Variants in TMPRSS11A observed in about 807,000 individuals in gnomAD.
TMPRSS11A encodes transmembrane protease serine 11A.
TMPRSS11A carries 53 observed loss-of-function variants against 58.9 expected under a neutral mutation model. That is an observed-to-expected ratio of 0.90 (90% CI 0.72 to 1.13). The LOEUF (loss-of-function observed/expected upper bound fraction) is 1.13, where lower values mean the gene tolerates loss of function less well. TMPRSS11A is among the 50% of genes most tolerant of loss of function. The pLI is 0.00. For missense variants in TMPRSS11A, 493 were observed against 499.3 expected, an observed-to-expected ratio of 0.99 and a Z score of 0.12; for synonymous variants, 167 against 169.8, an observed-to-expected ratio of 0.98 and a Z score of 0.13.
intron 1 of TMPRSS11A, among the ~76,000 whole-genome samples, chr4:67,957,731 G>T (rs1442736499): frequency 6.6e-6 from 1 of 152,144 alleles, no homozygotes; most frequent in Non-Finnish European, 1.5e-5. Flanking sequence ...AAGTAATGAG[G>T]AGCTGAATGT....
rs538701525 is a variant in TMPRSS11A at position 67,943,050 on chromosome 4, G to A, written c.252+1469C>T. Among the ~76,000 whole-genome samples the A allele has an allele frequency of 1.8e-4, 27 of 152,224 alleles. No homozygotes were observed. The South Asian group carries it at 4.8e-3, about 27-fold the overall frequency. ...GATTTCCTGCAAGGGGGGAGGGTAA[G>A]GGCTTATGCTATGGTGATAAAGGAG... is the stretch of plus-strand genomic sequence containing the variant. On this transcript the variant is annotated intron_variant, in intron 3 of 9. Coordinates refer to ENST00000508048, the MANE Select transcript of TMPRSS11A (RefSeq NM_001114387.2).
At chr4:67,929,673 A>G (rs1393462110) in intron 5 of TMPRSS11A, among the ~76,000 whole-genome samples, 2 of 152,380 alleles carry the variant, frequency 1.3e-5, no homozygotes, top group East Asian at 3.9e-4. Flanking sequence ...CCAATCAATT[A>G]CTGTCGGGAA....
At chr4:67,911,630 A>G in intron 9 of TMPRSS11A, 127 bp from the exon 10 acceptor site, 1 of 552,640 alleles carries the variant, frequency 1.8e-6, no homozygotes. Context: ...AACACAGAAT[A>G]ATTAATTGAG....
At chr4:67,920,549 A>ATATATATATATATATTTT (rs371252656) in intron 7 of TMPRSS11A, among the ~76,000 whole-genome samples, 5 of 130,894 alleles carry the variant, frequency 3.8e-5, no homozygotes, top group South Asian at 2.4e-4. Context: ...ATATATATAT[A>ATATATATATATATATTTT]TTTTTTTTTA....
At chr4:67,948,904 T>C (rs1721090735) in intron 1 of TMPRSS11A, among the ~76,000 whole-genome samples, 1 of 149,432 alleles carries the variant, frequency 6.7e-6, no homozygotes, top group Non-Finnish European at 1.5e-5. Context: ...CAAACTCAGG[T>C]CTTCTTACTT....
Position 67,909,508 on chromosome 4 carries a change from A to G in TMPRSS11A, c.*1834T>C, listed in dbSNP as rs915192803. The G allele has an allele frequency of 6.6e-6, 1 of 152,184 alleles. No individual in the cohort carries two copies. Among genetic ancestry groups the G allele is most frequent in the Non-Finnish European group, 1.5e-5 (1 of 68,004 alleles). The allele number at this position is 152,184 out of a possible 1,614,324, so 9.4% of individuals were successfully genotyped here. A position where few individuals can be genotyped will look rare whatever the true frequency, so the allele number is the denominator to read the frequency against. The stretch of plus-strand genomic sequence containing the variant: ...TTAAAAATACAAAGTTCATAATTCT[A>G]AGATCATTTCCTGAATCTGAACATC... On this transcript the variant is annotated 3_prime_UTR_variant, in exon 10 of 10. Transcript: ENST00000508048.
chr4:67,946,890 T>G (rs1721029653), intron 1 of TMPRSS11A, among the ~76,000 whole-genome samples: 1 of 152,202 alleles, frequency 6.6e-6, no homozygotes. Context: ...TCTCCAGCAC[T>G]TTGTTATCTC....
At chr4:67,939,720 GCT>G (rs1275794531) in intron 3 of TMPRSS11A, among the ~76,000 whole-genome samples, 1 of 151,880 alleles carries the variant, frequency 6.6e-6, no homozygotes, top group Non-Finnish European at 1.5e-5. Context: ...ATGGATTTTT[GCT>G]CTGTCACCCA....
intron 3 of TMPRSS11A, among the ~76,000 whole-genome samples, chr4:67,933,437 G>A (rs570527129): frequency 3.9e-5 from 6 of 152,110 alleles, no homozygotes; most frequent in South Asian, 2.1e-4. Flanking sequence ...ATTTTACTTC[G>A]GTTTCTTTTG....
chr4:67,919,988 C>T (rs930533066), intron 7 of TMPRSS11A, among the ~76,000 whole-genome samples: 2 of 152,124 alleles, frequency 1.3e-5, no homozygotes, highest in East Asian at 3.8e-4. Flanking sequence ...ATAATGTAGT[C>T]TCATTTACAT....
chr4:67,941,111 T>C (rs1381353192), intron 3 of TMPRSS11A, among the ~76,000 whole-genome samples: 4 of 152,200 alleles, frequency 2.6e-5, no homozygotes, highest in Admixed American at 1.3e-4. Flanking sequence ...ATTATAGCAA[T>C]ATCTAAATAT....
At chr4:67,933,736 T>C (rs1720686751) in intron 3 of TMPRSS11A, among the ~76,000 whole-genome samples, 1 of 152,182 alleles carries the variant, frequency 6.6e-6, no homozygotes, top group Non-Finnish European at 1.5e-5. Flanking sequence ...CCAGCTCTAC[T>C]ACTCAGTATG....
chr4:67,962,172 T>G (rs192040136), intron 1 of TMPRSS11A, among the ~76,000 whole-genome samples: 110 of 152,318 alleles, frequency 7.2e-4, no homozygotes, highest in African/African-American at 2.6e-3. Context: ...CCCATTCATT[T>G]GTTCAACAAA....
At chr4:67,925,551 GA>G (rs1408097449) in intron 5 of TMPRSS11A, among the ~76,000 whole-genome samples, 1 of 152,140 alleles carries the variant, frequency 6.6e-6, no homozygotes, top group Non-Finnish European at 1.5e-5. Context: ...GGGAGCTTTT[GA>G]AAATATTCAA....
chr4:67,954,480 C>G lies in TMPRSS11A; in HGVS notation c.12-7909G>C, dbSNP rs151114587. The stretch of plus-strand genomic sequence containing the variant: ...TTTCAGTTCTTATCCCTTCTAGATC[C>G]CCCTGCCCTCACTCAGTTAAAGGTC... On this transcript the variant is annotated intron_variant, in intron 1 of 9. Coordinates refer to ENST00000508048, the MANE Select transcript of TMPRSS11A (RefSeq NM_001114387.2). Among the ~76,000 whole-genome samples the G allele has an allele frequency of 1.1e-4, 17 of 152,300 alleles. No individual in the cohort carries two copies. In the East Asian group the frequency reaches 3.1e-3, roughly 28 times the overall value.
At position 67,944,650 on chromosome 4, in the gene TMPRSS11A, T is replaced by C. The variant is rs1410988119; in HGVS notation, c.134-13A>G. ...TCCTTTTTTTGGTCTGCAATGGAAA[T>C]GAAAAATAGGAAACTAAATGGTTTG... On this transcript the variant is annotated splice_polypyrimidine_tract_variant and intron_variant, in intron 2 of 9. Coordinates refer to ENST00000508048, the MANE Select transcript of TMPRSS11A (RefSeq NM_001114387.2). 1.2e-6 allele frequency: 2 copies of C among 1,602,516 alleles called. No individual in the cohort carries two copies. The highest frequency in any genetic ancestry group is 4.5e-5 in the East Asian group (2 of 44,756).
chr4:67,944,227 G>C (rs893607688), intron 3 of TMPRSS11A, among the ~76,000 whole-genome samples: 3 of 152,074 alleles, frequency 2.0e-5, no homozygotes, highest in Non-Finnish European at 4.4e-5. Flanking sequence ...GAAGAAATGG[G>C]CTAGGATATC....
chr4:67,939,751 C>T lies in TMPRSS11A; in HGVS notation c.252+4768G>A, dbSNP rs557086098. 5.3e-4 allele frequency among the ~76,000 whole-genome samples: 81 copies of T among 152,254 alleles called. 2 individuals carry two copies. Among genetic ancestry groups the T allele is most frequent in the Admixed American group, 1.3e-4 (2 of 15,290 alleles). On this transcript the variant is annotated intron_variant, in intron 3 of 9. Coordinates refer to ENST00000508048, the MANE Select transcript of TMPRSS11A (RefSeq NM_001114387.2). ...TCACCCAGGCTGGAGTGCAATGGCA[C>T]GATCTCGGCTCACTGCAACCTCTGC...
chr4:67,957,228 T>A (rs1721311518), intron 1 of TMPRSS11A, among the ~76,000 whole-genome samples: 1 of 152,170 alleles, frequency 6.6e-6, no homozygotes, highest in South Asian at 2.1e-4. Context: ...AAAAGATACC[T>A]GAACATGTAG....
Sources: gnomAD v4.1 joint callset for allele counts (sites outside exome capture counted in the v4.1 genomes callset) on GRCh38, gnomAD v4.1.1 for gene constraint, MANE v1.5 for transcripts, NCBI Gene and HGNC (gene_info 2026-07-23, HGNC 2026-07-21) for gene names.